The following DPF3 variants were observed in gnomAD, a reference collection of about 807,000 sequenced individuals.
The protein encoded by DPF3 is zinc finger protein DPF3.
Under a neutral mutation model 56.8 loss-of-function variants are expected in DPF3, and 18 were observed. The observed-to-expected ratio is 0.32, with a 90% CI of 0.22 to 0.47. The LOEUF (loss-of-function observed/expected upper bound fraction) is 0.47, where lower values mean the gene tolerates loss of function less well. Ranked by LOEUF, DPF3 falls within the 20% of genes least tolerant of loss-of-function variation. The probability of loss-of-function intolerance (pLI) is 1.00; values close to 1 mark genes in which losing one functional copy is unlikely to be tolerated. For synonymous variants in DPF3, 188 were observed against 180.2 expected (o/e 1.04, Z -0.35); for missense variants, 403 against 488.8 (o/e 0.82, Z 1.65).
intron 1 of DPF3, chr14:72,892,046 T>A: frequency 2.8e-5 from 34 of 1,195,528 alleles, no homozygotes; most frequent in Middle Eastern, 3.5e-4. Flanking sequence ...CAAAAAACCC[T>A]GGAGCGAGTA....
chr14:72,689,583 T>A (rs1001025760), intron 7 of DPF3, among the ~76,000 whole-genome samples: 4 of 152,076 alleles, frequency 2.6e-5, no homozygotes, highest in Admixed American at 2.6e-4. Context: ...AGGGGCAGGA[T>A]GGATGGGAGC....
At chr14:72,624,721 T>C (rs1220852457) in intron 9 of DPF3, among the ~76,000 whole-genome samples, 1 of 152,118 alleles carries the variant, frequency 6.6e-6, no homozygotes, top group Non-Finnish European at 1.5e-5. Flanking sequence ...TATCCTTCAA[T>C]CTGTGACAGT....
intron 1 of DPF3, among the ~76,000 whole-genome samples, chr14:72,860,396 G>A (rs1885349538): frequency 6.6e-6 from 1 of 151,938 alleles, no homozygotes; most frequent in Non-Finnish European, 1.5e-5. Context: ...TGTTGCCGAG[G>A]CTATGCTTGA....
chr14:72,767,772 A>AAG (rs1891350490), intron 2 of DPF3, among the ~76,000 whole-genome samples: 1 of 150,320 alleles, frequency 6.7e-6, no homozygotes, highest in Non-Finnish European at 1.5e-5. Context: ...AAAAAAAAAA[A>AAG]AAAAAAACCC....
chr14:72,880,988 T>A (rs1886301271), intron 1 of DPF3, among the ~76,000 whole-genome samples: 1 of 152,202 alleles, frequency 6.6e-6, no homozygotes, highest in South Asian at 2.1e-4. Flanking sequence ...ACTTCCTCTT[T>A]CAGATTGTAC....
chr14:72,780,177 C>G (rs144041173), intron 1 of DPF3, among the ~76,000 whole-genome samples: 1 of 152,356 alleles, frequency 6.6e-6, no homozygotes, highest in African/African-American at 2.4e-5. Flanking sequence ...CTTCCTCCCA[C>G]CTGGAATTTT....
At chr14:72,652,114 A>G (rs1451741887) in intron 8 of DPF3, among the ~76,000 whole-genome samples, 1 of 152,220 alleles carries the variant, frequency 6.6e-6, no homozygotes, top group Non-Finnish European at 1.5e-5. Flanking sequence ...ATAAGGGAAA[A>G]TGAGGCTAGA....
rs78397801 is a variant in DPF3, at chr14:72,681,787, T to C, written c.743-7419A>G. Reference sequence around the variant, plus strand: ...AGGCCACAACAATTTGCCAGCAGTGTGTGCACCATGTCACCAGCTCTGGGG... The same window carrying C: ...AGGCCACAACAATTTGCCAGCAGTGCGTGCACCATGTCACCAGCTCTGGGG... On this transcript the variant is annotated intron_variant, in intron 7 of 10. Transcript: ENST00000556509. Among the ~76,000 whole-genome samples the C allele has an allele frequency of 7.4e-3, 1,126 of 152,342 alleles. 27 individuals carry two copies. The East Asian group carries it at 0.077, about 10-fold the overall frequency.
At chr14:72,847,737 C>G (rs1210261372) in intron 1 of DPF3, among the ~76,000 whole-genome samples, 1 of 152,142 alleles carries the variant, frequency 6.6e-6, no homozygotes, top group African/African-American at 2.4e-5. Flanking sequence ...GTCTTAAACT[C>G]CTGACCTCAG....
chr14:72,746,074 C>A lies in DPF3; in HGVS notation c.301+7190G>T, dbSNP rs1358255097. ...TCTACTAACCCACCAGAAAGGGCAT[C>A]ATACGTTTTGTAAACGTCCACCCCC... On this transcript the variant is annotated intron_variant, in intron 3 of 10. Coordinates refer to ENST00000556509, the MANE Select transcript of DPF3 (RefSeq NM_001280542.3). Among the ~76,000 whole-genome samples, 8 of 152,356 alleles carry A rather than the reference C, an allele frequency of 5.3e-5. No homozygotes were observed. In the East Asian group the frequency reaches 1.5e-3, roughly 29 times the overall value.
At chr14:72,847,196 C>T (rs1884794480) in intron 1 of DPF3, among the ~76,000 whole-genome samples, 1 of 152,208 alleles carries the variant, frequency 6.6e-6, no homozygotes, top group Admixed American at 6.5e-5. Flanking sequence ...CTTACACTTA[C>T]TGAGCATTCA....
rs181813381 is a variant in DPF3 at position 72,801,172 on chromosome 14, G to T, written c.33-29279C>A. ...CAATCCCCAGCATCTACTTGGATCT[G>T]GGCAGGCAGCCACAGAAACAGAAGA... On this transcript the variant is annotated intron_variant, in intron 1 of 10. Coordinates refer to ENST00000556509, the MANE Select transcript of DPF3 (RefSeq NM_001280542.3). Among the ~76,000 whole-genome samples, 8 of 152,308 alleles carry T rather than the reference G, an allele frequency of 5.3e-5. No homozygotes were observed. The East Asian group carries it at 9.6e-4, about 18-fold the overall frequency.
intron 1 of DPF3, among the ~76,000 whole-genome samples, chr14:72,788,589 G>T (rs1352414320): frequency 6.6e-6 from 1 of 152,138 alleles, no homozygotes; most frequent in Non-Finnish European, 1.5e-5. Context: ...AGAGGAATCT[G>T]CCAGTTGCCA....
chr14:72,683,495 G>A (rs573224863), intron 7 of DPF3, among the ~76,000 whole-genome samples: 60 of 151,848 alleles, frequency 4.0e-4, no homozygotes, highest in Non-Finnish European at 7.1e-4. Flanking sequence ...CATGTCACCC[G>A]GAAGTCATTC....
intron 1 of DPF3, among the ~76,000 whole-genome samples, chr14:72,862,466 C>G (rs1018365473): frequency 1.3e-5 from 2 of 152,166 alleles, no homozygotes; most frequent in African/African-American, 2.4e-5. Flanking sequence ...TCAGCTACCT[C>G]TCACCACCTT....
intron 1 of DPF3, among the ~76,000 whole-genome samples, chr14:72,851,622 C>T (rs987597428): frequency 2.6e-5 from 4 of 152,152 alleles, no homozygotes; most frequent in African/African-American, 7.2e-5. Context: ...ACGGATAAAG[C>T]TTTTTTTTAA....
chr14:72,695,294 A>G (rs1367290088), intron 6 of DPF3, among the ~76,000 whole-genome samples: 1 of 152,220 alleles, frequency 6.6e-6, no homozygotes, highest in Non-Finnish European at 1.5e-5. Context: ...TAGATGTTCA[A>G]TAAATGGTAA....
At chr14:72,671,101 G>A in intron 8 of DPF3, 1 of 1,609,968 alleles carries the variant, frequency 6.2e-7, no homozygotes, top group Non-Finnish European at 8.5e-7. Context: ...GTCAGAGGGG[G>A]ATGGCTAATT....
At chr14:72,700,394 C>G (rs1018537823) in intron 6 of DPF3, among the ~76,000 whole-genome samples, 1 of 152,178 alleles carries the variant, frequency 6.6e-6, no homozygotes, top group Non-Finnish European at 1.5e-5. Flanking sequence ...GCAGTGGACC[C>G]TACAAATCAC....
Sources: allele counts gnomAD v4.1 joint callset (sites outside exome capture counted in the v4.1 genomes callset), GRCh38; gene constraint gnomAD v4.1.1; transcripts MANE v1.5; gene names NCBI Gene and HGNC (gene_info 2026-07-23, HGNC 2026-07-21).